Variants in JMJD1C observed in about 807,000 individuals in gnomAD.
JMJD1C encodes the protein jumonji domain-containing protein 1C.
JMJD1C carries 31 observed loss-of-function variants against 245.3 expected under a neutral mutation model. That is an observed-to-expected ratio of 0.13 (90% CI 0.09 to 0.17). The LOEUF is 0.17. Among genes scored for constraint, JMJD1C ranks in the 10% least tolerant of loss-of-function variants. The pLI is 1.00. For missense variants in JMJD1C, 2,691 were observed against 3,000.2 expected (o/e 0.90, Z 2.41); for synonymous variants, 1,057 against 1,017.4 (o/e 1.04, Z -0.74).
chr10:63,407,273 A>C (rs546866455), intron 1 of JMJD1C, among the ~76,000 whole-genome samples: 2 of 152,224 alleles, frequency 1.3e-5, no homozygotes, highest in Non-Finnish European at 2.9e-5. Flanking sequence ...ACCAAGAAGC[A>C]TATTAAAACA....
At position 63,194,445 on chromosome 10, in the gene JMJD1C, T is replaced by G; in HGVS notation, c.5645-70A>C. On this transcript the variant is annotated intron_variant, in intron 13 of 25. Coordinates refer to ENST00000399262, the MANE Select transcript of JMJD1C (RefSeq NM_032776.3). ...TTATAAATTGATAGTGTAAAGAACT[T>G]AACGATTATATAAAATGTTTCATAG... 3.0e-6 allele frequency: 3 copies of G among 1,014,418 alleles called. No individual in the cohort carries two copies. In the South Asian group the frequency reaches 4.1e-5, roughly 14 times the overall value. 62.8% of individuals were successfully genotyped at this position (1,014,418 alleles called of 1,614,324 possible).
intron 1 of JMJD1C, among the ~76,000 whole-genome samples, chr10:63,500,923 CAGTT>C (rs1481542205): frequency 1.7e-4 from 26 of 152,164 alleles, no homozygotes; most frequent in Non-Finnish European, 3.7e-4. Context: ...CAACATAAAA[CAGTT>C]AATACATTTT....
In JMJD1C at chr10:63,369,414, A is replaced by G. The variant is rs193161506; in HGVS notation, c.333+10904T>C. On this transcript the variant is annotated intron_variant, in intron 2 of 25. Transcript: ENST00000399262. ...CACCTCAGCCTCCCAAAGTGCTGGG[A>G]TTACAGGCGTTTGCTACCGTGCCCA... is the stretch of plus-strand genomic sequence containing the variant. 1.2e-3 allele frequency among the ~76,000 whole-genome samples: 188 copies of G among 152,256 alleles called. 5 individuals are homozygous for G. In the East Asian group the frequency reaches 0.036, roughly 29 times the overall value.
At chr10:63,234,752 G>T (rs1209989343) in intron 3 of JMJD1C, among the ~76,000 whole-genome samples, 6 of 151,764 alleles carry the variant, frequency 4.0e-5, no homozygotes, top group African/African-American at 1.5e-4. Context: ...AGGAAACATA[G>T]TGAGACCCTG....
At position 63,177,746 on chromosome 10, in the gene JMJD1C, C is replaced by T. The variant is rs201653430; in HGVS notation, c.7195G>A (p.Val2399Ile). ...ALWHIYAGKD[V>I]DKIREFLQKI... ...TGAAGAAATTCCCTTATCTTGTCAA[C>T]ATCTTTCCCAGCATAAATATGCCAC... Residue 2399 changes from valine to isoleucine, a missense_variant, in exon 23 of 26, where the codon GTT (valine) becomes ATT (isoleucine). By Grantham distance (29) the Val-to-Ile change is conservative. Coordinates refer to ENST00000399262, the MANE Select transcript of JMJD1C (RefSeq NM_032776.3). The T allele has an allele frequency of 5.9e-5, 96 of 1,613,978 alleles. No homozygotes were observed. The highest frequency in any genetic ancestry group is 7.4e-5 in the Non-Finnish European group (87 of 1,180,002).
Position 63,308,532 on chromosome 10 carries a change from A to C in JMJD1C, c.334-43768T>G, listed in dbSNP as rs139951529. 7.2e-5 allele frequency among the ~76,000 whole-genome samples: 11 copies of C among 152,228 alleles called. 1 individual carries two copies. Among genetic ancestry groups the C allele is most frequent in the Admixed American group, 6.5e-4 (10 of 15,288 alleles). ...GAAAAAGAGATTTACACAGACTCTA[A>C]AACATTAACAAAACCAAGATTTGTA... On this transcript the variant is annotated intron_variant, in intron 2 of 25. Transcript: ENST00000399262.
intron 3 of JMJD1C, among the ~76,000 whole-genome samples, chr10:63,260,109 C>T (rs1854503129): frequency 6.6e-6 from 1 of 152,282 alleles, no homozygotes; most frequent in Admixed American, 6.5e-5. Context: ...AGGGAAAACA[C>T]CTCATTACTA....
At chr10:63,278,185 T>C (rs1390757000) in intron 2 of JMJD1C, among the ~76,000 whole-genome samples, 1 of 151,910 alleles carries the variant, frequency 6.6e-6, no homozygotes. Flanking sequence ...TGCAGTGGGT[T>C]AAAGAGTACT....
Position 63,167,269 on chromosome 10 carries a change from A to ACTT in JMJD1C, c.*773_*775dup, listed in dbSNP as rs1841942307. Reference sequence around the variant, plus strand: ...AATGGAAAATGTAAAACCCCTTTCAACTTTAATGTACAAAGCCATATGTAA... The same window carrying ACTT: ...AATGGAAAATGTAAAACCCCTTTCAACTTCTTTAATGTACAAAGCCATATGTAA... On this transcript the variant is annotated 3_prime_UTR_variant, in exon 26 of 26. Coordinates refer to ENST00000399262, the MANE Select transcript of JMJD1C (RefSeq NM_032776.3). 1 of 152,592 alleles carries ACTT rather than the reference A, an allele frequency of 6.6e-6. No individual in the cohort carries two copies. The highest frequency in any genetic ancestry group is 1.5e-5 in the Non-Finnish European group (1 of 68,026). The allele number at this position is 152,592 out of a possible 1,614,324, so 9.5% of individuals were successfully genotyped here. A position where few individuals can be genotyped will look rare whatever the true frequency, so the allele number is the denominator to read the frequency against.
intron 1 of JMJD1C, 162 bp downstream of exon 1, chr10:63,465,333 A>T: frequency 1.4e-6 from 1 of 716,154 alleles, no homozygotes; most frequent in Non-Finnish European, 2.3e-6. Flanking sequence ...AGACGCAGGG[A>T]CCCAGGCAAG....
intron 1 of JMJD1C, among the ~76,000 whole-genome samples, chr10:63,390,987 C>A (rs546899891): frequency 6.6e-6 from 1 of 152,258 alleles, no homozygotes; most frequent in South Asian, 2.1e-4. Flanking sequence ...TACTGCAAGT[C>A]CTAGCCAGAG....
At chr10:63,245,785 A>C (rs978483776) in intron 3 of JMJD1C, among the ~76,000 whole-genome samples, 3 of 152,052 alleles carry the variant, frequency 2.0e-5, no homozygotes, top group Non-Finnish European at 2.9e-5. Flanking sequence ...CCCGGCCGGG[A>C]ACTCCTCTCT....
At chr10:63,358,481 T>C (rs1945052551) in intron 2 of JMJD1C, among the ~76,000 whole-genome samples, 1 of 152,012 alleles carries the variant, frequency 6.6e-6, no homozygotes, top group African/African-American at 2.4e-5. Context: ...GGAGTTCTAG[T>C]CCAGCCTGGG....
At position 63,380,534 on chromosome 10, in the gene JMJD1C, T is replaced by C. The variant is rs749335305; in HGVS notation, c.169-52A>G. The C allele has an allele frequency of 7.0e-6, 10 of 1,437,596 alleles. No individual in the cohort carries two copies. In the South Asian group the frequency reaches 1.1e-4, roughly 16 times the overall value. The allele number at this position is 1,437,596 out of a possible 1,614,324, so 89.1% of individuals were successfully genotyped here. ...ATTAGCAAAATAGAAGAGTGGTATA[T>C]CTTTTTTTACTAATGCATAATAATT... On this transcript the variant is annotated intron_variant, in intron 1 of 25. Coordinates refer to ENST00000399262, the MANE Select transcript of JMJD1C (RefSeq NM_032776.3).
intron 7 of JMJD1C, 55 bp downstream of exon 7, chr10:63,215,208 A>C: frequency 2.6e-6 from 4 of 1,530,638 alleles, no homozygotes; most frequent in East Asian, 2.3e-5. Context: ...CATATTTTAA[A>C]ATGTATTTTT....
At chr10:63,427,414 G>T in intron 1 of JMJD1C, 1 of 1,113,176 alleles carries the variant, frequency 9.0e-7, no homozygotes, top group Admixed American at 1.8e-5. Flanking sequence ...GGAAGACACA[G>T]TACACCGGGA....
chr10:63,173,221 T>A (rs974337978), intron 24 of JMJD1C, among the ~76,000 whole-genome samples: 1 of 152,172 alleles, frequency 6.6e-6, no homozygotes, highest in African/African-American at 2.4e-5. Flanking sequence ...CAAATGCCCA[T>A]ATGCAAAAAA....
intron 1 of JMJD1C, among the ~76,000 whole-genome samples, chr10:63,505,677 C>G (rs1320046938): frequency 1.3e-5 from 2 of 151,854 alleles, no homozygotes; most frequent in African/African-American, 4.8e-5. Flanking sequence ...AATGTTTGTT[C>G]AAGAAGCATC....
intron 21 of JMJD1C, among the ~76,000 whole-genome samples, chr10:63,184,071 T>TACACGCTACC (rs1335310239): frequency 6.8e-6 from 1 of 147,204 alleles, no homozygotes; most frequent in Admixed American, 6.8e-5. Flanking sequence ...GGACTACAGG[T>TACACGCTACC]ACACGCTACC....
Sources: gnomAD v4.1 joint callset for allele counts (sites outside exome capture counted in the v4.1 genomes callset) on GRCh38, gnomAD v4.1.1 for gene constraint, MANE v1.5 for transcripts, NCBI Gene and HGNC (gene_info 2026-07-23, HGNC 2026-07-21) for gene names.